Variants in RAB1A observed in about 807,000 individuals in gnomAD.
RAB1A encodes the protein RAB1A, member RAS oncogene family, also known as ras-related protein Rab-1A.
RAB1A carries 2 observed loss-of-function variants against 26.0 expected under a neutral mutation model. The observed-to-expected ratio is 0.08, with a 90% CI of 0.03 to 0.24. RAB1A has a LOEUF of 0.24. RAB1A is among the 10% of genes least tolerant of loss of function. RAB1A has a pLI of 1.00. For synonymous variants in RAB1A, 84 were observed against 84.9 expected, an observed-to-expected ratio of 0.99 and a Z score of 0.06; for missense variants, 100 against 247.0, an observed-to-expected ratio of 0.40 and a Z score of 3.99.
rs575964843 is a variant in RAB1A, at chr2:65,118,606, T to A, written c.23+11287A>T. The stretch of plus-strand genomic sequence containing the variant: ...AGTTCTCCTGCCTCAGCCTCCCAAG[T>A]AGCTGGGACTACAGGCACATGCTGC... On this transcript the variant is annotated intron_variant, in intron 1 of 5. Coordinates refer to ENST00000409784, the MANE Select transcript of RAB1A (RefSeq NM_004161.5). Among the ~76,000 whole-genome samples the A allele has an allele frequency of 1.1e-4, 16 of 152,254 alleles. No homozygotes were observed. The South Asian group carries it at 3.1e-3, about 30-fold the overall frequency.
intron 3 of RAB1A, among the ~76,000 whole-genome samples, chr2:65,092,256 T>A (rs1488034429): frequency 6.7e-6 from 1 of 149,656 alleles, no homozygotes; most frequent in East Asian, 2.0e-4. Context: ...GAGAGCCAGA[T>A]CCTGTCTCAA....
At chr2:65,118,468 CCTT>C (rs1468832553) in intron 1 of RAB1A, among the ~76,000 whole-genome samples, 16 of 152,006 alleles carry the variant, frequency 1.1e-4, no homozygotes, top group Non-Finnish European at 1.6e-4. Context: ...AGGCTATTTT[CCTT>C]TTTTGTTTGT....
chr2:65,117,846 C>T (rs1669860721), intron 1 of RAB1A, among the ~76,000 whole-genome samples: 1 of 151,720 alleles, frequency 6.6e-6, no homozygotes, highest in Admixed American at 6.6e-5. Flanking sequence ...GCTGAGATTA[C>T]AGGAGTGAGC....
At chr2:65,125,152 A>G (rs2103887262) in intron 1 of RAB1A, among the ~76,000 whole-genome samples, 1 of 152,170 alleles carries the variant, frequency 6.6e-6, no homozygotes, top group East Asian at 1.9e-4. Context: ...GCCATGATAT[A>G]CTTAAGGGGA....
At chr2:65,128,205 T>C (rs572576618) in intron 1 of RAB1A, among the ~76,000 whole-genome samples, 3 of 152,096 alleles carry the variant, frequency 2.0e-5, no homozygotes, top group African/African-American at 4.8e-5. Context: ...ACTCCAATTA[T>C]CCTATTTTAC....
At chr2:65,088,843 CA>C (rs1426054424) in intron 5 of RAB1A, 95 bp downstream of exon 5, 2 of 1,379,866 alleles carry the variant, frequency 1.4e-6, no homozygotes, top group Non-Finnish European at 2.0e-6. Flanking sequence ...TTCTAGTGCA[CA>C]TATTTTTAAA....
At chr2:65,102,108 G>A (rs1478554846) in intron 2 of RAB1A, among the ~76,000 whole-genome samples, 1 of 151,946 alleles carries the variant, frequency 6.6e-6, no homozygotes, top group African/African-American at 2.4e-5. Flanking sequence ...ATTTCCATTA[G>A]GAGAAATATT....
chr2:65,123,719 G>A (rs1353214181), intron 1 of RAB1A, among the ~76,000 whole-genome samples: 1 of 151,832 alleles, frequency 6.6e-6, no homozygotes, highest in African/African-American at 2.4e-5. Flanking sequence ...CCAGCTACTT[G>A]AGAGGCTGAG....
intron 2 of RAB1A, among the ~76,000 whole-genome samples, chr2:65,102,703 G>A (rs913091073): frequency 1.3e-5 from 2 of 151,750 alleles, no homozygotes; most frequent in South Asian, 2.1e-4. Flanking sequence ...TGAGACAAGC[G>A]GATCACGAAG....
rs564203644 is a variant in RAB1A at position 65,128,460 on chromosome 2, T to TG, written c.23+1432dup. ...AAACCAACTTTGTCCTTGGAGCCCTTGAAAAAAAATTTTTTTTAAACTGTC... is the reference window on the plus strand; with the variant it reads ...AAACCAACTTTGTCCTTGGAGCCCTTGGAAAAAAAATTTTTTTTAAACTGTC... On this transcript the variant is annotated intron_variant, in intron 1 of 5. Transcript: ENST00000409784. Among the ~76,000 whole-genome samples, 300 of 152,230 alleles carry TG rather than the reference T, an allele frequency of 2.0e-3. 1 individual carries two copies. The highest frequency in any genetic ancestry group is 3.3e-3 in the Admixed American group (51 of 15,286).
At chr2:65,101,594 G>A (rs552434113) in intron 2 of RAB1A, among the ~76,000 whole-genome samples, 7 of 152,036 alleles carry the variant, frequency 4.6e-5, no homozygotes, top group South Asian at 2.1e-4. Context: ...CCCACCTACC[G>A]AGAGTTGCTT....
At chr2:65,107,462 A>G (rs1462073469) in intron 1 of RAB1A, among the ~76,000 whole-genome samples, 2 of 151,912 alleles carry the variant, frequency 1.3e-5, no homozygotes, top group African/African-American at 4.8e-5. Context: ...CAGCATTGAT[A>G]CTACCATAGT....
At position 65,126,090 on chromosome 2, in the gene RAB1A, G is replaced by A. The variant is rs1444003532; in HGVS notation, c.23+3803C>T. Among the ~76,000 whole-genome samples, 5 of 151,876 alleles carry A rather than the reference G, an allele frequency of 3.3e-5. No individual in the cohort carries two copies. In the South Asian group the frequency reaches 1.0e-3, roughly 32 times the overall value. On this transcript the variant is annotated intron_variant, in intron 1 of 5. Transcript: ENST00000409784. ...TTGCCATATTGGCCAGGCTGGTCTTGAACTCCTGACCTTAGGTGATCCACC... is the reference window on the plus strand; with the variant it reads ...TTGCCATATTGGCCAGGCTGGTCTTAAACTCCTGACCTTAGGTGATCCACC...
chr2:65,114,197 C>A, intron 1 of RAB1A: 1 of 430,252 alleles, frequency 2.3e-6, no homozygotes, highest in African/African-American at 2.1e-5. Context: ...GATTCTCAGA[C>A]AAGGTTCACA....
chr2:65,108,201 A>G (rs889755438), intron 1 of RAB1A, among the ~76,000 whole-genome samples: 4 of 151,842 alleles, frequency 2.6e-5, no homozygotes, highest in African/African-American at 9.7e-5. Context: ...GCCTCTACTA[A>G]AAATACAAAA....
intron 3 of RAB1A, among the ~76,000 whole-genome samples, chr2:65,091,469 G>A (rs1669170102): frequency 6.6e-6 from 1 of 152,118 alleles, no homozygotes; most frequent in Non-Finnish European, 1.5e-5. Context: ...AAAAGCACTG[G>A]AGGGACCTAA....
chr2:65,128,821 C>T (rs1288611898), intron 1 of RAB1A, among the ~76,000 whole-genome samples: 2 of 152,190 alleles, frequency 1.3e-5, no homozygotes, highest in African/African-American at 4.8e-5. Flanking sequence ...CATTACTTTA[C>T]ATGCATGTAA....
chr2:65,128,902 A>C (rs745431154), intron 1 of RAB1A, among the ~76,000 whole-genome samples: 1 of 152,184 alleles, frequency 6.6e-6, no homozygotes, highest in Non-Finnish European at 1.5e-5. Flanking sequence ...AGTGAACACC[A>C]GTTCCCAGGA....
rs902537270 is a variant in RAB1A at position 65,105,051 on chromosome 2, C to T, written c.24-245G>A. 1.2e-5 allele frequency: 7 copies of T among 582,912 alleles called. No individual in the cohort carries two copies. The East Asian group carries it at 2.2e-4, about 18-fold the overall frequency. 36.1% of individuals were successfully genotyped at this position (582,912 alleles called of 1,614,324 possible). The stretch of plus-strand genomic sequence containing the variant: ...GATCTCTAACATCAGTGAACTTCCA[C>T]TTAAAAAGAAAGAAGGAAAAGAAAA... On this transcript the variant is annotated intron_variant, in intron 1 of 5. Coordinates refer to ENST00000409784, the MANE Select transcript of RAB1A (RefSeq NM_004161.5).
Sources: gnomAD v4.1 joint callset for allele counts (sites outside exome capture counted in the v4.1 genomes callset) on GRCh38, gnomAD v4.1.1 for gene constraint, MANE v1.5 for transcripts, NCBI Gene and HGNC (gene_info 2026-07-23, HGNC 2026-07-21) for gene names.